Variants in PCDHA5 observed in about 807,000 individuals in gnomAD.
The protein encoded by PCDHA5 is protocadherin alpha 5.
Under a neutral mutation model 61.6 loss-of-function variants are expected in PCDHA5, and 43 were observed. That is an observed-to-expected ratio of 0.70 (90% confidence interval 0.55 to 0.90). The LOEUF is 0.90. Among genes scored for constraint, PCDHA5 ranks in the 40% least tolerant of loss-of-function variants. The probability of loss-of-function intolerance (pLI) is 0.00; values close to 1 mark genes in which losing one functional copy is unlikely to be tolerated. For synonymous variants in PCDHA5, 627 were observed against 543.9 expected, an observed-to-expected ratio of 1.15 and a Z score of -2.13; for missense variants, 1,298 against 1,222.7, an observed-to-expected ratio of 1.06 and a Z score of -0.92.
chr5:140,961,929 G>C (rs1387333199), intron 1 of PCDHA5, among the ~76,000 whole-genome samples: 1 of 151,712 alleles, frequency 6.6e-6, no homozygotes, highest in Non-Finnish European at 1.5e-5. Context: ...TGTTGCCCAG[G>C]CTGGAGTGCA....
At chr5:140,832,877 A>T (rs1281043082) in intron 1 of PCDHA5, among the ~76,000 whole-genome samples, 1 of 152,210 alleles carries the variant, frequency 6.6e-6, no homozygotes, top group Non-Finnish European at 1.5e-5. Context: ...TACTGGTTAT[A>T]AAATGGAAAG....
chr5:140,938,904 C>A (rs1254151220), intron 1 of PCDHA5, among the ~76,000 whole-genome samples: 1 of 152,070 alleles, frequency 6.6e-6, no homozygotes, highest in Admixed American at 6.5e-5. Context: ...TGCGCACACA[C>A]ACACACGCAC....
At chr5:140,890,693 G>C (rs980920550) in intron 1 of PCDHA5, among the ~76,000 whole-genome samples, 7 of 151,828 alleles carry the variant, frequency 4.6e-5, no homozygotes, top group Non-Finnish European at 8.8e-5. Flanking sequence ...GGAAATGCAG[G>C]GACCTTACAT....
intron 1 of PCDHA5, chr5:140,869,548 G>C (rs2051232334): frequency 1.2e-6 from 2 of 1,614,084 alleles, no homozygotes; most frequent in African/African-American, 2.7e-5. Context: ...TAAGCAATCG[G>C]ACTCGCGTTT....
At chr5:140,885,297 T>G (rs565705321) in intron 1 of PCDHA5, among the ~76,000 whole-genome samples, 30 of 152,302 alleles carry the variant, frequency 2.0e-4, no homozygotes, top group Admixed American at 5.9e-4. Context: ...GAGAGAGACC[T>G]GGTAGGCTTT....
intron 1 of PCDHA5, among the ~76,000 whole-genome samples, chr5:140,887,272 AT>A (rs2061386056): frequency 6.6e-6 from 1 of 151,690 alleles, no homozygotes; most frequent in South Asian, 2.1e-4. Context: ...AATTTTTTGT[AT>A]TTTTAGTAGA....
intron 1 of PCDHA5, among the ~76,000 whole-genome samples, chr5:140,946,411 A>G (rs1554217552): frequency 1.1e-4 from 16 of 151,766 alleles, no homozygotes. Context: ...ATCATAGAAA[A>G]CAATATGGAG....
intron 1 of PCDHA5, chr5:140,825,977 A>G (rs1185654246): frequency 6.6e-6 from 1 of 152,320 alleles, no homozygotes; most frequent in Non-Finnish European, 1.5e-5. Context: ...GGGGAAAAGT[A>G]TGGATTTATA....
intron 1 of PCDHA5, chr5:140,836,622 A>AGCTGGTCATTCTCCCAGCAGAGGCG (rs2150266108): frequency 1.2e-6 from 2 of 1,613,448 alleles, no homozygotes; most frequent in Non-Finnish European, 1.7e-6. Context: ...CGCGGTGGGG[A>AGCTGGTCATTCTCCCAGCAGAGGCG]GCTGGTCATT....
At chr5:140,955,207 G>A (rs2153705473) in intron 1 of PCDHA5, among the ~76,000 whole-genome samples, 1 of 152,290 alleles carries the variant, frequency 6.6e-6, no homozygotes, top group South Asian at 2.1e-4. Context: ...CAATCAAGTA[G>A]CATGATGCCT....
chr5:140,828,611 T>A (rs2150157344), intron 1 of PCDHA5: 1 of 1,614,202 alleles, frequency 6.2e-7, no homozygotes, highest in Non-Finnish European at 8.5e-7. Flanking sequence ...TAAACTCAGT[T>A]CTAGCGAATA....
At chr5:140,962,786 A>G (rs1377248587) in intron 1 of PCDHA5, among the ~76,000 whole-genome samples, 6 of 152,216 alleles carry the variant, frequency 3.9e-5, no homozygotes, top group African/African-American at 1.4e-4. Context: ...ATTTTTAAAA[A>G]CTACTTTGGA....
rs2150416321 is a variant in PCDHA5 at position 140,848,658 on chromosome 5, G to C, written c.2352+24531G>C. On this transcript the variant is annotated intron_variant, in intron 1 of 3. Coordinates refer to ENST00000529859, the MANE Select transcript of PCDHA5 (RefSeq NM_018908.3). ...CCGCATCGCGCAGGACCTGGGGCTG[G>C]AGCTGGCGGAGCTGGTGCCGCGCCT... The C allele has an allele frequency of 2.5e-6, 4 of 1,592,362 alleles. No homozygotes were observed. The highest frequency in any genetic ancestry group is 4.5e-5 in the East Asian group (2 of 44,824).
intron 1 of PCDHA5, chr5:140,828,314 C>T: frequency 6.2e-7 from 1 of 1,614,208 alleles, no homozygotes; most frequent in South Asian, 1.1e-5. Flanking sequence ...CGAGGACCTT[C>T]TGGAGGTAAA....
intron 1 of PCDHA5, chr5:140,969,060 A>T (rs2096292130): frequency 6.2e-7 from 1 of 1,614,012 alleles, no homozygotes. Context: ...AACAATATTG[A>T]TGCCAGGATA....
chr5:140,869,572 G>A (rs375272234), intron 1 of PCDHA5: 1 of 1,614,060 alleles, frequency 6.2e-7, no homozygotes, highest in Non-Finnish European at 8.5e-7. Flanking sequence ...ACTAGAGGGA[G>A]CTTCTGATGC....
At chr5:140,968,529 C>T in intron 1 of PCDHA5, 1 of 1,614,206 alleles carries the variant, frequency 6.2e-7, no homozygotes, top group Non-Finnish European at 8.5e-7. Flanking sequence ...ACCAACTCGT[C>T]AGCAGCCTTC....
Position 140,831,077 on chromosome 5 carries a change from G to A in PCDHA5, c.2352+6950G>A, listed in dbSNP as rs2150191421. The A allele has an allele frequency of 5.9e-5, 9 of 152,244 alleles. No individual in the cohort carries two copies. The South Asian group carries it at 8.3e-4, about 14-fold the overall frequency. The allele number at this position is 152,244 out of a possible 1,614,324, so 9.4% of individuals were successfully genotyped here. ...ATTGTCCCCCTTTTAAACCATTGAG[G>A]AATAAAGGACAAAAACAATAGTTAT... On this transcript the variant is annotated intron_variant, in intron 1 of 3. Coordinates refer to ENST00000529859, the MANE Select transcript of PCDHA5 (RefSeq NM_018908.3).
chr5:140,883,401 A>C, intron 1 of PCDHA5: 2 of 1,614,108 alleles, frequency 1.2e-6, no homozygotes, highest in Non-Finnish European at 1.7e-6. Flanking sequence ...TCCGATCGTG[A>C]CTCTGGCTCA....
Sources: gnomAD v4.1 joint callset for allele counts (sites outside exome capture counted in the v4.1 genomes callset) on GRCh38, gnomAD v4.1.1 for gene constraint, MANE v1.5 for transcripts, NCBI Gene and HGNC (gene_info 2026-07-23, HGNC 2026-07-21) for gene names.